TIFAB: variants seen among roughly 807,000 people sequenced by gnomAD.
TIFAB encodes TRAF-interacting protein with FHA domain-containing protein B.
For synonymous variants in TIFAB, 116 were observed against 95.2 expected (o/e 1.22, Z -1.27); for missense variants, 222 against 203.6 (o/e 1.09, Z -0.55).
chr5:135,449,942 A>G lies in TIFAB; in HGVS notation c.-3T>C, dbSNP rs768676811. On this transcript the variant is annotated 5_prime_UTR_variant, in exon 2 of 2. Coordinates refer to ENST00000537858, the MANE Select transcript of TIFAB (RefSeq NM_001099221.2). ...AGGACGGTGAGGGGCTTCTCCATGG[A>G]AGAAGTCCTGGGAAGTTGGAACATG... The G allele has an allele frequency of 3.3e-6, 5 of 1,517,186 alleles. No homozygotes were observed. Among genetic ancestry groups the G allele is most frequent in the Non-Finnish European group, 4.4e-6 (5 of 1,132,652 alleles). 94.0% of individuals were successfully genotyped at this position (1,517,186 alleles called of 1,614,324 possible). A position where few individuals can be genotyped will look rare whatever the true frequency, so the allele number is the denominator to read the frequency against.
chr5:135,450,425 G>A (rs1427353613), intron 1 of TIFAB, among the ~76,000 whole-genome samples: 1 of 152,226 alleles, frequency 6.6e-6, no homozygotes, highest in African/African-American at 2.4e-5. Context: ...AACGAACCGA[G>A]CCCTGACTCT....
Position 135,449,777 on chromosome 5 carries a change from G to C in TIFAB, c.163C>G (p.Arg55Gly). ...TAGGGCTCCAGGGACAGGTGACGGC[G>C]GGAGAGGCGAGGGAGCTGCAGCTGG... is the stretch of plus-strand genomic sequence containing the variant. ...HLQLQLPRLS[R>G]RHLSLEPYLE... is the part of the protein sequence containing the mutation. The change falls in exon 2 of 2, where the codon CGC becomes GGC. Residue 55 changes from arginine to glycine, a missense_variant. Coordinates refer to ENST00000537858, the MANE Select transcript of TIFAB (RefSeq NM_001099221.2). 6.2e-7 allele frequency: 1 copy of C among 1,612,436 alleles called. No homozygotes were observed. The highest frequency in any genetic ancestry group is 8.5e-7 in the Non-Finnish European group (1 of 1,178,676).
At position 135,446,723 on chromosome 5, in the gene TIFAB, C is replaced by T. The variant is rs768062488; in HGVS notation, c.*2731G>A. 1.3e-5 allele frequency: 21 copies of T among 1,613,870 alleles called. No homozygotes were observed. The highest frequency in any genetic ancestry group is 1.6e-4 in the Middle Eastern group (1 of 6,062). ...TCTGAAACTACAAACCAGATGTTTC[C>T]GGGCTCCCTCCCGCCTGGTCTGGCC... On this transcript the variant is annotated 3_prime_UTR_variant, in exon 2 of 2. Transcript: ENST00000537858.
intron 1 of TIFAB, among the ~76,000 whole-genome samples, chr5:135,451,809 T>A (rs757392474): frequency 4.6e-5 from 7 of 152,188 alleles, no homozygotes; most frequent in Non-Finnish European, 7.4e-5. Flanking sequence ...GAGGTATGCG[T>A]TACAGGCTGA....
In TIFAB at chr5:135,449,737, C is replaced by T; in HGVS notation, c.203G>A (p.Ser68Asn). 1 of 1,614,048 alleles carries T rather than the reference C, an allele frequency of 6.2e-7. No individual in the cohort carries two copies. The highest frequency in any genetic ancestry group is 8.5e-7 in the Non-Finnish European group (1 of 1,179,976). Residue 68 changes from serine to asparagine, a missense_variant, in exon 2 of 2, where the codon AGT becomes AAT. Physicochemically the swap from Ser to Asn is conservative, Grantham distance 46. Transcript: ENST00000537858. ...LSLEPYLEKG[S>N]ALLAFCLKAL... Reference sequence around the variant, plus strand: ...CTTGAGGCAGAAGGCCAGCAGGGCACTGCCTTTCTCCAGGTAGGGCTCCAG... The same window carrying T: ...CTTGAGGCAGAAGGCCAGCAGGGCATTGCCTTTCTCCAGGTAGGGCTCCAG...
rs1168667149 is a variant in TIFAB at position 135,445,940 on chromosome 5, C to T, written c.*3514G>A. On this transcript the variant is annotated 3_prime_UTR_variant, in exon 2 of 2. Transcript: ENST00000537858. ...ATTTCTAGATTTCCAGACAATGTCTCAGAGAATTGTAGTGCTCTGGGGTAT... is the reference window on the plus strand; with the variant it reads ...ATTTCTAGATTTCCAGACAATGTCTTAGAGAATTGTAGTGCTCTGGGGTAT... 6.5e-6 allele frequency: 1 copy of T among 154,550 alleles called. No homozygotes were observed. The highest frequency in any genetic ancestry group is 2.4e-5 in the African/African-American group (1 of 41,520). The allele number at this position is 154,550 out of a possible 1,614,324, so 9.6% of individuals were successfully genotyped here.
chr5:135,449,595 G>A lies in TIFAB; in HGVS notation c.345C>T (p.Arg115=), dbSNP rs1219393581. The change falls in exon 2 of 2, where the codon CGC becomes CGT. Residue 115 remains arginine (R), a synonymous_variant. Transcript: ENST00000537858. ...CCTCCAGGGATGTGCCTTCTTCTACGCGAACCAGCATCTGGATGCCTGAGA... is the reference window on the plus strand; with the variant it reads ...CCTCCAGGGATGTGCCTTCTTCTACACGAACCAGCATCTGGATGCCTGAGA... The part of the protein sequence containing the change: ...VSFSGIQMLV[R]VEEGTSLEAF... The A allele has an allele frequency of 7.4e-6, 12 of 1,614,084 alleles. No homozygotes were observed. Among genetic ancestry groups the A allele is most frequent in the African/African-American group, 2.7e-5 (2 of 74,940 alleles).
chr5:135,449,607 C>T lies in TIFAB; in HGVS notation c.333G>A (p.Gln111=). 1 of 1,614,236 alleles carries T rather than the reference C, an allele frequency of 6.2e-7. No homozygotes were observed. The highest frequency in any genetic ancestry group is 1.3e-5 in the African/African-American group (1 of 75,076). Residue 111 remains glutamine (Q), a synonymous_variant, in exon 2 of 2, where the codon CAG becomes CAA. Transcript: ENST00000537858. The part of the protein sequence containing the change: ...TVNRVSFSGI[Q]MLVRVEEGTS... ...TGCCTTCTTCTACGCGAACCAGCATCTGGATGCCTGAGAAGGAGACCCTGT... is the reference window on the plus strand; with the variant it reads ...TGCCTTCTTCTACGCGAACCAGCATTTGGATGCCTGAGAAGGAGACCCTGT...
chr5:135,446,797 C>T lies in TIFAB; in HGVS notation c.*2657G>A, dbSNP rs142784532. On this transcript the variant is annotated 3_prime_UTR_variant, in exon 2 of 2. Coordinates refer to ENST00000537858, the MANE Select transcript of TIFAB (RefSeq NM_001099221.2). ...GTTCATCCTGGGTCCCTGAGGGCCTCGCAGATGCTTCACTCGAAAGATTGG... is the reference window on the plus strand; with the variant it reads ...GTTCATCCTGGGTCCCTGAGGGCCTTGCAGATGCTTCACTCGAAAGATTGG... The T allele has an allele frequency of 5.8e-5, 94 of 1,613,902 alleles. 1 individual carries two copies. In the African/African-American group the frequency reaches 8.7e-4, roughly 15 times the overall value.
intron 1 of TIFAB, chr5:135,450,867 T>G (rs543054939): frequency 6.6e-6 from 1 of 152,398 alleles, no homozygotes; most frequent in Admixed American, 6.5e-5. Context: ...AAGTGTTACC[T>G]CTCCTGTGAA....
Position 135,446,738 on chromosome 5 carries a change from C to T in TIFAB, c.*2716G>A. 1 of 1,613,924 alleles carries T rather than the reference C, an allele frequency of 6.2e-7. No homozygotes were observed. Among genetic ancestry groups the T allele is most frequent in the Non-Finnish European group, 8.5e-7 (1 of 1,179,822 alleles). Reference sequence around the variant, plus strand: ...CAGATGTTTCCGGGCTCCCTCCCGCCTGGTCTGGCCTGTCTTCCTTCTGCT... The same window carrying T: ...CAGATGTTTCCGGGCTCCCTCCCGCTTGGTCTGGCCTGTCTTCCTTCTGCT... On this transcript the variant is annotated 3_prime_UTR_variant, in exon 2 of 2. Coordinates refer to ENST00000537858, the MANE Select transcript of TIFAB (RefSeq NM_001099221.2).
rs1400658474 is a variant in TIFAB, at chr5:135,449,735, C to T, written c.205G>A (p.Ala69Thr). ...SLEPYLEKGSALLAFCLKALS... is the reference protein window; with the variant it reads ...SLEPYLEKGSTLLAFCLKALS... ...GCCTTGAGGCAGAAGGCCAGCAGGG[C>T]ACTGCCTTTCTCCAGGTAGGGCTCC... The change falls in exon 2 of 2, where the codon GCC (alanine) becomes ACC (threonine). Residue 69 changes from alanine to threonine, a missense_variant. Physicochemically the swap from Ala to Thr is moderately conservative, Grantham distance 58. Coordinates refer to ENST00000537858, the MANE Select transcript of TIFAB (RefSeq NM_001099221.2). The T allele has an allele frequency of 3.1e-6, 5 of 1,614,026 alleles. No homozygotes were observed. The highest frequency in any genetic ancestry group is 3.4e-6 in the Non-Finnish European group (4 of 1,179,972).
rs140260513 is a variant in TIFAB at position 135,446,665 on chromosome 5, C to T, written c.*2789G>A. ...GGTACAGGGCAAGGTGTGAGTTTCC[C>T]GGTGAGACTGTGTGAACTGTGAACG... On this transcript the variant is annotated 3_prime_UTR_variant, in exon 2 of 2. Coordinates refer to ENST00000537858, the MANE Select transcript of TIFAB (RefSeq NM_001099221.2). 9.0e-5 allele frequency: 146 copies of T among 1,613,970 alleles called. No individual in the cohort carries two copies. The African/African-American group carries it at 9.6e-4, about 11-fold the overall frequency.
rs1354153525 is a variant in TIFAB at position 135,449,631 on chromosome 5, GT to G, written c.308del (p.Asn103ThrfsTer14). On this transcript the variant is annotated frameshift_variant, in exon 2 of 2. Transcript: ENST00000537858. LOFTEE classifies it low-confidence loss of function (END_TRUNC). ...TCTGGATGCCTGAGAAGGAGACCCT[GT>G]TGACGGTGCTCAGGGGGACCTGCTC... Reference protein sequence around the residue: ...YLEQVPLSTVNRVSFSGIQML... With the variant: ...YLEQVPLSTVXRVSFSGIQML... 6.2e-7 allele frequency: 1 copy of G among 1,614,112 alleles called. No homozygotes were observed. Among genetic ancestry groups the G allele is most frequent in the South Asian group, 1.1e-5 (1 of 91,092 alleles).
rs1237657067 is a variant in TIFAB, at chr5:135,447,097, T to C, written c.*2357A>G. On this transcript the variant is annotated 3_prime_UTR_variant, in exon 2 of 2. Coordinates refer to ENST00000537858, the MANE Select transcript of TIFAB (RefSeq NM_001099221.2). ...TCGAGTTCTGTATGTGGGTTGCTGC[T>C]CCGTAATGCATAGTTGGGGGACCAT... 6.2e-7 allele frequency: 1 copy of C among 1,614,052 alleles called. No homozygotes were observed. The highest frequency in any genetic ancestry group is 8.5e-7 in the Non-Finnish European group (1 of 1,179,908).
rs1769373115 is a variant in TIFAB at position 135,452,251 on chromosome 5, G to A, written c.-53C>T. 1 of 152,326 alleles carries A rather than the reference G, an allele frequency of 6.6e-6. No individual in the cohort carries two copies. The highest frequency in any genetic ancestry group is 2.1e-4 in the South Asian group (1 of 4,830). The allele number at this position is 152,326 out of a possible 1,614,324, so 9.4% of individuals were successfully genotyped here. The stretch of plus-strand genomic sequence containing the variant: ...TCTGGCTCTAGTCCTGCAGCTGTGA[G>A]CTCTTGAGAGGGAGTAGGCTGGTTT... On this transcript the variant is annotated 5_prime_UTR_variant, in exon 1 of 2. Transcript: ENST00000537858.
chr5:135,446,735 C>T lies in TIFAB; in HGVS notation c.*2719G>A, dbSNP rs759800674. ...AACCAGATGTTTCCGGGCTCCCTCCCGCCTGGTCTGGCCTGTCTTCCTTCT... is the reference window on the plus strand; with the variant it reads ...AACCAGATGTTTCCGGGCTCCCTCCTGCCTGGTCTGGCCTGTCTTCCTTCT... On this transcript the variant is annotated 3_prime_UTR_variant, in exon 2 of 2. Coordinates refer to ENST00000537858, the MANE Select transcript of TIFAB (RefSeq NM_001099221.2). 59 of 1,613,822 alleles carry T rather than the reference C, an allele frequency of 3.7e-5. 1 individual carries two copies. The South Asian group carries it at 4.5e-4, about 12-fold the overall frequency.
chr5:135,449,567 A>C lies in TIFAB; in HGVS notation c.373T>G (p.Phe125Val). ...RVEEGTSLEA[F>V]VCYFHVSPSP... ...GGGCTGACATGGAAATAGCAGACAA[A>C]AGCCTCCAGGGATGTGCCTTCTTCT... The change falls in exon 2 of 2, where the codon TTT (phenylalanine) becomes GTT (valine). Residue 125 changes from phenylalanine (F) to valine (V), a missense_variant. Coordinates refer to ENST00000537858, the MANE Select transcript of TIFAB (RefSeq NM_001099221.2). 2 of 1,614,190 alleles carry C rather than the reference A, an allele frequency of 1.2e-6. No homozygotes were observed. The highest frequency in any genetic ancestry group is 1.7e-6 in the Non-Finnish European group (2 of 1,180,020).
In TIFAB at chr5:135,446,136, C is replaced by T. The variant is rs1580654042; in HGVS notation, c.*3318G>A. 1 of 461,900 alleles carries T rather than the reference C, an allele frequency of 2.2e-6. No homozygotes were observed. Among genetic ancestry groups the T allele is most frequent in the African/African-American group, 2.0e-5 (1 of 51,200 alleles). 28.6% of individuals were successfully genotyped at this position (461,900 alleles called of 1,614,324 possible). A position where few individuals can be genotyped will look rare whatever the true frequency, so the allele number is the denominator to read the frequency against. On this transcript the variant is annotated 3_prime_UTR_variant, in exon 2 of 2. Coordinates refer to ENST00000537858, the MANE Select transcript of TIFAB (RefSeq NM_001099221.2). ...CCTCAAACTGACCTTCACAATGACT[C>T]TAAGGAGGTAAGTACTGTGAACTTT...
Sources: gnomAD v4.1 joint callset for allele counts (sites outside exome capture counted in the v4.1 genomes callset) on GRCh38, gnomAD v4.1.1 for gene constraint, MANE v1.5 for transcripts, NCBI Gene and HGNC (gene_info 2026-07-23, HGNC 2026-07-21) for gene names.